MS4A5: variants seen among roughly 807,000 people sequenced by gnomAD.
The protein encoded by MS4A5 is membrane-spanning 4-domains subfamily A member 5.
MS4A5 carries 15 observed loss-of-function variants against 18.2 expected under a neutral mutation model. The ratio of observed to expected loss-of-function variants is 0.83; its 90% confidence interval spans 0.55 to 1.27. The LOEUF (loss-of-function observed/expected upper bound fraction) is 1.27, where lower values mean the gene tolerates loss of function less well. Among genes scored for constraint, MS4A5 ranks in the 50% most tolerant of loss-of-function variants. The pLI, the probability that MS4A5 is intolerant of heterozygous loss-of-function variation, is 0.00. For missense variants in MS4A5, 232 were observed against 225.7 expected (o/e 1.03, Z -0.18); for synonymous variants, 89 against 78.7 (o/e 1.13, Z -0.69).
intron 4 of MS4A5, among the ~76,000 whole-genome samples, chr11:60,436,638 G>A (rs1401048603): frequency 7.4e-6 from 1 of 134,432 alleles, no homozygotes; most frequent in Non-Finnish European, 1.7e-5. Flanking sequence ...GAAGCCTCAG[G>A]AGTCGATGCG....
intron 4 of MS4A5, among the ~76,000 whole-genome samples, chr11:60,438,661 C>T (rs971396288): frequency 6.9e-4 from 105 of 152,090 alleles, no homozygotes; most frequent in Middle Eastern, 3.4e-3. Flanking sequence ...CGCAAATAAA[C>T]TAGAAAATCT....
At chr11:60,442,792 A>T (rs1215915038) in intron 4 of MS4A5, among the ~76,000 whole-genome samples, 1 of 152,232 alleles carries the variant, frequency 6.6e-6, no homozygotes, top group Non-Finnish European at 1.5e-5. Flanking sequence ...TAAAGTGCTC[A>T]AACAAAATAA....
intron 4 of MS4A5, among the ~76,000 whole-genome samples, chr11:60,435,897 C>A (rs939376875): frequency 6.6e-6 from 1 of 152,252 alleles, no homozygotes; most frequent in Non-Finnish European, 1.5e-5. Context: ...GTATACAAAG[C>A]AGCTGGGAAG....
At chr11:60,435,782 T>C (rs4430532) in intron 4 of MS4A5, among the ~76,000 whole-genome samples, 38,500 of 151,038 alleles carry the variant, frequency 0.25, 5,501 homozygotes, top group Admixed American at 0.38. Flanking sequence ...GAGGGTCCTA[T>C]GCCCACGGAG....
chr11:60,443,550 A>G (rs1399685758), intron 4 of MS4A5, among the ~76,000 whole-genome samples: 1 of 152,068 alleles, frequency 6.6e-6, no homozygotes, highest in Non-Finnish European at 1.5e-5. Context: ...AAATATTCAT[A>G]CCAAGAAATT....
chr11:60,439,989 C>A (rs918287857), intron 4 of MS4A5, among the ~76,000 whole-genome samples: 7 of 147,182 alleles, frequency 4.8e-5, no homozygotes, highest in African/African-American at 1.7e-4. Context: ...GCCAAAAGAA[C>A]AAAACTGGAG....
In MS4A5 at chr11:60,434,044, G is replaced by A; in HGVS notation, c.492+127G>A. The A allele has an allele frequency of 7.1e-6, 6 of 840,938 alleles. No individual in the cohort carries two copies. The South Asian group carries it at 9.6e-5, about 13-fold the overall frequency. The allele number at this position is 840,938 out of a possible 1,614,324, so 52.1% of individuals were successfully genotyped here. On this transcript the variant is annotated intron_variant, in intron 4 of 4. Coordinates refer to ENST00000300190, the MANE Select transcript of MS4A5 (RefSeq NM_023945.3). ...TTTTCTTTTACTGACAAACATTTAT[G>A]AAATCCATAATATTTGATAGACATT...
At position 60,438,532 on chromosome 11, in the gene MS4A5, C is replaced by A. The variant is rs1054672576; in HGVS notation, c.492+4615C>A. 1.3e-3 allele frequency among the ~76,000 whole-genome samples: 195 copies of A among 151,408 alleles called. 3 individuals are homozygous for A. Among genetic ancestry groups the A allele is most frequent in the Admixed American group, 0.012 (181 of 15,204 alleles). On this transcript the variant is annotated intron_variant, in intron 4 of 4. Transcript: ENST00000300190. ...CAAAATTGATAGACTGCTAGCAAGA[C>A]TAATAAAGAAAAAAAGAGAGAAGAA...
intron 4 of MS4A5, among the ~76,000 whole-genome samples, chr11:60,440,367 C>T (rs1447827562): frequency 1.6e-5 from 2 of 126,332 alleles, no homozygotes; most frequent in Non-Finnish European, 3.4e-5. Context: ...TAGGCATGGG[C>T]AAGGACTTCA....
intron 3 of MS4A5, 54 bp from the exon 4 acceptor site, chr11:60,433,711 T>C: frequency 6.4e-7 from 1 of 1,557,392 alleles, no homozygotes; most frequent in Non-Finnish European, 8.8e-7. Context: ...CATTGCTTTG[T>C]TTGTAGTACA....
At chr11:60,445,265 CTT>C (rs201028859) in intron 4 of MS4A5, among the ~76,000 whole-genome samples, 4 of 145,566 alleles carry the variant, frequency 2.7e-5, no homozygotes, top group South Asian at 4.3e-4. Context: ...GACATTTCTT[CTT>C]TTTTTTTTTT....
chr11:60,430,493 C>T (rs1439550206), intron 1 of MS4A5, among the ~76,000 whole-genome samples: 4 of 152,140 alleles, frequency 2.6e-5, no homozygotes, highest in Non-Finnish European at 5.9e-5. Flanking sequence ...ACCTGGAGAC[C>T]GTTCAGTAAG....
At chr11:60,431,721 C>A (rs973228521) in intron 2 of MS4A5, among the ~76,000 whole-genome samples, 3 of 152,080 alleles carry the variant, frequency 2.0e-5, no homozygotes, top group Admixed American at 1.3e-4. Context: ...AGTTGGGATA[C>A]CCAAGTGTAA....
At chr11:60,433,947 G>A (rs961069878) in intron 4 of MS4A5, 30 bp downstream of exon 4, 12 of 1,592,720 alleles carry the variant, frequency 7.5e-6, no homozygotes, top group Non-Finnish European at 9.5e-6. Context: ...AGAGTGATGA[G>A]TAAAGGGCTT....
In MS4A5 at chr11:60,438,164, T is replaced by G. The variant is rs61898325; in HGVS notation, c.492+4247T>G. Among the ~76,000 whole-genome samples the G allele has an allele frequency of 5.6e-3, 855 of 152,148 alleles. 6 individuals are homozygous for G. The highest frequency in any genetic ancestry group is 0.024 in the Middle Eastern group (7 of 294). On this transcript the variant is annotated intron_variant, in intron 4 of 4. Coordinates refer to ENST00000300190, the MANE Select transcript of MS4A5 (RefSeq NM_023945.3). ...ACATGGAAACAGAACAACCTGCTCC[T>G]GAATGACTACTGGGTACATAATGAA... is the stretch of plus-strand genomic sequence containing the variant.
rs145659333 is a variant in MS4A5 at position 60,435,582 on chromosome 11, C to T, written c.492+1665C>T. The T allele has an allele frequency of 8.5e-3, 2,561 of 300,646 alleles. 59 individuals are homozygous for T. The highest frequency in any genetic ancestry group is 0.052 in the African/African-American group (2,290 of 44,226). 18.6% of individuals were successfully genotyped at this position (300,646 alleles called of 1,614,324 possible). On this transcript the variant is annotated intron_variant, in intron 4 of 4. Coordinates refer to ENST00000300190, the MANE Select transcript of MS4A5 (RefSeq NM_023945.3). ...CAGGTCAGTGGGTGCGTGCACCCTG[C>T]GCGAGCCGAAGCAGGGCGAGGCATT...
In MS4A5 at chr11:60,429,743, T is replaced by C. The variant is rs777865714; in HGVS notation, c.69T>C (p.Tyr23=). ...CTCCAGAAATCACTGCTTCAGAATA[T>C]GAGTCCACAGAACTTTCAGCCACGA... ...VFPPEITASE[Y]ESTELSATTF... is the part of the protein sequence containing the mutation. The change falls in exon 1 of 5, where the codon TAT becomes TAC. Residue 23 remains tyrosine, a synonymous_variant. Coordinates refer to ENST00000300190, the MANE Select transcript of MS4A5 (RefSeq NM_023945.3). 6.2e-7 allele frequency: 1 copy of C among 1,614,082 alleles called. No individual in the cohort carries two copies. Among genetic ancestry groups the C allele is most frequent in the Admixed American group, 1.7e-5 (1 of 60,016 alleles).
intron 4 of MS4A5, chr11:60,435,577 C>G: frequency 6.3e-6 from 2 of 318,948 alleles, no homozygotes; most frequent in South Asian, 5.0e-5. Context: ...GGTGCGTGCA[C>G]CCTGCGCGAG....
intron 2 of MS4A5, 63 bp from the exon 3 acceptor site, chr11:60,432,348 T>C: frequency 9.0e-7 from 1 of 1,113,688 alleles, no homozygotes; most frequent in Non-Finnish European, 1.3e-6. Flanking sequence ...TAGAGGTCTA[T>C]TCTGTAAGAA....
Sources: gnomAD v4.1 joint callset for allele counts (sites outside exome capture counted in the v4.1 genomes callset) on GRCh38, gnomAD v4.1.1 for gene constraint, MANE v1.5 for transcripts, NCBI Gene and HGNC (gene_info 2026-07-23, HGNC 2026-07-21) for gene names.